Variants in GSK3B observed in about 807,000 individuals in gnomAD.
GSK3B encodes glycogen synthase kinase 3 beta.
Under a neutral mutation model 56.4 loss-of-function variants are expected in GSK3B, and 15 were observed. That is an observed-to-expected ratio of 0.27 (90% confidence interval 0.18 to 0.41). GSK3B has a LOEUF of 0.41. Ranked by LOEUF, GSK3B falls within the 10% of genes least tolerant of loss-of-function variation. The pLI is 1.00. For synonymous variants in GSK3B, 181 were observed against 188.9 expected, an observed-to-expected ratio of 0.96 and a Z score of 0.34; for missense variants, 300 against 513.4, an observed-to-expected ratio of 0.58 and a Z score of 4.02.
chr3:119,911,546 T>A lies in GSK3B; in HGVS notation c.715+1158A>T, dbSNP rs2056734875. On this transcript the variant is annotated intron_variant, in intron 6 of 10. Coordinates refer to ENST00000264235, the MANE Select transcript of GSK3B (RefSeq NM_001146156.2). ...TCTCCTCTCTAGAAGAAGTCTTCCATCTCTAGAAAATCTAGAGATGAAAGT... is the reference window on the plus strand; with the variant it reads ...TCTCCTCTCTAGAAGAAGTCTTCCAACTCTAGAAAATCTAGAGATGAAAGT... Among the ~76,000 whole-genome samples the A allele has an allele frequency of 3.9e-5, 6 of 152,272 alleles. No homozygotes were observed. The South Asian group carries it at 1.2e-3, about 32-fold the overall frequency.
At chr3:120,053,794 G>A (rs901358679) in intron 1 of GSK3B, among the ~76,000 whole-genome samples, 3 of 152,136 alleles carry the variant, frequency 2.0e-5, no homozygotes, top group African/African-American at 7.2e-5. Context: ...ATAAGGGGGA[G>A]TTTCCCTGCA....
At chr3:120,036,792 C>CAAAAAAAAAAA in intron 1 of GSK3B, among the ~76,000 whole-genome samples, 1 of 64,334 alleles carries the variant, frequency 1.6e-5, no homozygotes, top group Non-Finnish European at 3.1e-5. Flanking sequence ...GACTCCGACT[C>CAAAAAAAAAAA]AAAAAAAAAA....
At chr3:119,971,746 G>A (rs2057369602) in intron 2 of GSK3B, among the ~76,000 whole-genome samples, 1 of 147,726 alleles carries the variant, frequency 6.8e-6, no homozygotes, top group South Asian at 2.1e-4. Flanking sequence ...CAAGTAGCTG[G>A]GACTACAGGC....
chr3:119,841,484 A>T (rs973368061), intron 10 of GSK3B, among the ~76,000 whole-genome samples: 1 of 152,210 alleles, frequency 6.6e-6, no homozygotes, highest in African/African-American at 2.4e-5. Flanking sequence ...GTGAACAATT[A>T]ACGTAACCTG....
intron 7 of GSK3B, among the ~76,000 whole-genome samples, chr3:119,898,770 T>C (rs2056596704): frequency 6.6e-6 from 1 of 152,180 alleles, no homozygotes; most frequent in Non-Finnish European, 1.5e-5. Flanking sequence ...TACCAAACTA[T>C]ATACTATGTT....
At chr3:119,852,053 G>A (rs1371949842) in intron 9 of GSK3B, among the ~76,000 whole-genome samples, 1 of 152,126 alleles carries the variant, frequency 6.6e-6, no homozygotes, top group East Asian at 1.9e-4. Flanking sequence ...GGAAATTCCT[G>A]ACCATGTTCC....
chr3:120,046,340 G>GC (rs1296419620), intron 1 of GSK3B, among the ~76,000 whole-genome samples: 3 of 152,092 alleles, frequency 2.0e-5, no homozygotes, highest in Admixed American at 2.0e-4. Context: ...CCACAGCATT[G>GC]CAAGATGTTA....
chr3:120,026,008 A>C (rs2057919781), intron 1 of GSK3B, among the ~76,000 whole-genome samples: 1 of 152,136 alleles, frequency 6.6e-6, no homozygotes, highest in Admixed American at 6.5e-5. Context: ...AAGAGGATAA[A>C]ATGTCAAATA....
At chr3:120,061,526 A>G (rs1021263328) in intron 1 of GSK3B, among the ~76,000 whole-genome samples, 1 of 152,216 alleles carries the variant, frequency 6.6e-6, no homozygotes, top group Admixed American at 6.5e-5. Context: ...TGTTAAGAAG[A>G]TTAAATAAAT....
At chr3:119,968,407 A>T (rs1478189634) in intron 2 of GSK3B, among the ~76,000 whole-genome samples, 1 of 152,234 alleles carries the variant, frequency 6.6e-6, no homozygotes, top group African/African-American at 2.4e-5. Context: ...ATTTGCAACA[A>T]AACATTAGCA....
chr3:119,911,751 C>T (rs553065928), intron 6 of GSK3B, among the ~76,000 whole-genome samples: 1 of 152,144 alleles, frequency 6.6e-6, no homozygotes, highest in Non-Finnish European at 1.5e-5. Context: ...CAGCTTTTTA[C>T]CCTTAATCCT....
At chr3:120,030,384 C>A (rs2057965408) in intron 1 of GSK3B, among the ~76,000 whole-genome samples, 1 of 152,158 alleles carries the variant, frequency 6.6e-6, no homozygotes, top group Admixed American at 6.5e-5. Context: ...CTCTTTCAAC[C>A]TTTAGAGACT....
At chr3:119,966,876 T>A (rs2107511136) in intron 2 of GSK3B, among the ~76,000 whole-genome samples, 1 of 151,648 alleles carries the variant, frequency 6.6e-6, no homozygotes, top group East Asian at 1.9e-4. Flanking sequence ...GGAAAAAAAA[T>A]CCAAATATAA....
chr3:119,899,747 A>G (rs2056607086), intron 7 of GSK3B, among the ~76,000 whole-genome samples: 1 of 152,164 alleles, frequency 6.6e-6, no homozygotes, highest in African/African-American at 2.4e-5. Context: ...CTGTAAAAAG[A>G]TATGATTTCT....
intron 2 of GSK3B, among the ~76,000 whole-genome samples, chr3:119,997,351 T>G (rs981133878): frequency 3.9e-5 from 6 of 152,140 alleles, no homozygotes; most frequent in Non-Finnish European, 7.4e-5. Context: ...AGACTTGCAT[T>G]TACATGGAAG....
At chr3:119,959,336 A>T (rs2057246602) in intron 2 of GSK3B, among the ~76,000 whole-genome samples, 1 of 152,036 alleles carries the variant, frequency 6.6e-6, no homozygotes, top group South Asian at 2.1e-4. Context: ...TGCTTATGTG[A>T]CAATTTTTCT....
At chr3:120,028,789 GGT>G (rs2107518888) in intron 1 of GSK3B, 1 of 457,150 alleles carries the variant, frequency 2.2e-6, no homozygotes, top group Non-Finnish European at 4.2e-6. Context: ...GACCAGGCGT[GGT>G]CTCCGCCAGT....
chr3:120,068,228 TAAAAATAC>T (rs1191194817), intron 1 of GSK3B, among the ~76,000 whole-genome samples: 3 of 151,352 alleles, frequency 2.0e-5, no homozygotes, highest in African/African-American at 7.3e-5. Flanking sequence ...TCATCTCTAC[TAAAAATAC>T]AAAAATTAGC....
chr3:119,964,898 A>G (rs1207344266), intron 2 of GSK3B, among the ~76,000 whole-genome samples: 1 of 152,192 alleles, frequency 6.6e-6, no homozygotes, highest in Non-Finnish European at 1.5e-5. Flanking sequence ...AATTGCACAC[A>G]TTAATTATAT....
Sources: allele counts gnomAD v4.1 joint callset (sites outside exome capture counted in the v4.1 genomes callset), GRCh38; gene constraint gnomAD v4.1.1; transcripts MANE v1.5; gene names NCBI Gene and HGNC (gene_info 2026-07-23, HGNC 2026-07-21).